The following LRRC43 variants were observed in gnomAD, a reference collection of about 807,000 sequenced individuals.
LRRC43 encodes the protein leucine-rich repeat-containing protein 43.
In LRRC43, 62 loss-of-function variants were observed where a neutral mutation model predicts 64.3. That is an observed-to-expected ratio of 0.96 (90% CI 0.79 to 1.19). The LOEUF (loss-of-function observed/expected upper bound fraction) is 1.19, where lower values mean the gene tolerates loss of function less well. Ranked by LOEUF, LRRC43 falls within the 50% of genes most tolerant of loss-of-function variation. The pLI is 0.00. For synonymous variants in LRRC43, 422 were observed against 382.3 expected (o/e 1.10, Z -1.21); for missense variants, 868 against 845.0 (o/e 1.03, Z -0.34).
Position 122,192,904 on chromosome 12 carries a change from A to T in LRRC43, c.1249A>T (p.Ile417Phe), listed in dbSNP as rs1428881863. The change falls in exon 7 of 12, where the codon ATC (isoleucine) becomes TTC (phenylalanine). Residue 417 changes from isoleucine to phenylalanine, a missense_variant. Ile to Phe is a conservative substitution (Grantham distance 21). Transcript: ENST00000339777. ...GTCAGGAGAGTCGGAGCTGTCTGTC[A>T]TCTCGGGGCCTTCGACCATCTTGCA... ...EESGESELSV[I>F]SGPSTILQMP... The T allele has an allele frequency of 6.2e-7, 1 of 1,614,000 alleles. No homozygotes were observed. The highest frequency in any genetic ancestry group is 8.5e-7 in the Non-Finnish European group (1 of 1,180,032).
chr12:122,169,715 CAAAA>C (rs1156784202), intron 1 of LRRC43, among the ~76,000 whole-genome samples: 86 of 49,454 alleles, frequency 1.7e-3, no homozygotes, highest in African/African-American at 5.3e-3. Flanking sequence ...GACTCCGTCT[CAAAA>C]AAAAAAAAAA....
Position 122,200,172 on chromosome 12 carries a change from A to C in LRRC43, c.1350-17A>C, listed in dbSNP as rs768346420. ...CCTGGGTGACGGCACCCCCGTCTTC[A>C]TCCCTCCCTCCCCAAGGACTGTCCT... On this transcript the variant is annotated splice_polypyrimidine_tract_variant and intron_variant, in intron 7 of 11. Transcript: ENST00000339777. The surrounding 1 kb of genome is among the most constrained non-coding windows in gnomAD (Gnocchi z 4.6). 6.2e-7 allele frequency: 1 copy of C among 1,608,412 alleles called. No homozygotes were observed. Among genetic ancestry groups the C allele is most frequent in the Non-Finnish European group, 8.5e-7 (1 of 1,177,352 alleles).
chr12:122,183,283 G>T lies in LRRC43; in HGVS notation c.139G>T (p.Ala47Ser). ...GTGTCTGCGCGAGTTCCCGTGCGGTGCCGGCAGCTGGGTGCGGGCGCCGGG... is the reference window on the plus strand; with the variant it reads ...GTGTCTGCGCGAGTTCCCGTGCGGTTCCGGCAGCTGGGTGCGGGCGCCGGG... The part of the protein sequence containing the change: ...KLCLREFPCG[A>S]GSWNKSRFLP... The change falls in exon 1 of 12, where the codon GCC becomes TCC. Residue 47 changes from alanine to serine, a missense_variant. Transcript: ENST00000339777. The T allele has an allele frequency of 6.6e-7, 1 of 1,526,028 alleles. No individual in the cohort carries two copies. The highest frequency in any genetic ancestry group is 1.4e-5 in the African/African-American group (1 of 69,644). 94.5% of individuals were successfully genotyped at this position (1,526,028 alleles called of 1,614,324 possible).
At chr12:122,179,912 G>C (rs182875297), upstream of LRRC43, among the ~76,000 whole-genome samples, 7 of 148,886 alleles carry the variant, frequency 4.7e-5, no homozygotes, top group South Asian at 1.3e-3. Context: ...TGGAGGTTGC[G>C]GTGAGCCGAG....
chr12:122,174,867 G>A (rs965901925), intron 1 of LRRC43, among the ~76,000 whole-genome samples: 8 of 149,232 alleles, frequency 5.4e-5, no homozygotes, highest in African/African-American at 2.0e-4. Flanking sequence ...TTGAGATGGA[G>A]TCTTGCTCTG....
chr12:122,192,447 T>G (rs77727591), intron 6 of LRRC43, among the ~76,000 whole-genome samples: 5,226 of 152,294 alleles, frequency 0.034, 265 homozygotes, highest in African/African-American at 0.11. Context: ...CATTCTGCAA[T>G]TTCTACAACT....
chr12:122,190,153 T>G lies in LRRC43; in HGVS notation c.686T>G (p.Leu229Arg), dbSNP rs1207762939. 2.5e-6 allele frequency: 4 copies of G among 1,614,124 alleles called. No individual in the cohort carries two copies. The African/African-American group carries it at 4.0e-5, about 16-fold the overall frequency. Residue 229 changes from leucine to arginine, a missense_variant, in exon 5 of 12, where the codon CTG (leucine) becomes CGG (arginine). Coordinates refer to ENST00000339777, the MANE Select transcript of LRRC43 (RefSeq NM_001098519.2). ...AGGCCCAACCTCGTCTCCCTGGACC[T>G]GGGCTTCAACGACCTGACAGACCTG... ...NHWPNLVSLD[L>R]GFNDLTDLQS... is the part of the protein sequence containing the mutation.
chr12:122,198,540 C>T (rs557228686), intron 7 of LRRC43, among the ~76,000 whole-genome samples: 4 of 151,286 alleles, frequency 2.6e-5, no homozygotes, highest in Admixed American at 2.0e-4. Context: ...AATACATAGC[C>T]TTTTGTGTCT....
chr12:122,171,765 C>A (rs974476531), intron 1 of LRRC43, among the ~76,000 whole-genome samples: 19 of 149,612 alleles, frequency 1.3e-4, no homozygotes, highest in African/African-American at 3.7e-4. Context: ...GATGGGGTCT[C>A]ACTATGTTGC....
chr12:122,203,287 G>A (rs750505004), intron 11 of LRRC43, 28 bp from the exon 12 acceptor site: 19 of 1,604,872 alleles, frequency 1.2e-5, no homozygotes, highest in African/African-American at 4.0e-5. Flanking sequence ...GTCTCCCGGG[G>A]CTCATGCTCG....
In LRRC43 at chr12:122,200,616, A is replaced by G. The variant is rs199718757; in HGVS notation, c.1576A>G (p.Lys526Glu). The G allele has an allele frequency of 1.3e-4, 192 of 1,513,648 alleles. No homozygotes were observed. The highest frequency in any genetic ancestry group is 1.6e-4 in the Non-Finnish European group (173 of 1,092,058). 93.8% of individuals were successfully genotyped at this position (1,513,648 alleles called of 1,614,324 possible). The change falls in exon 9 of 12, where the codon AAG (lysine) becomes GAG (glutamate). Residue 526 changes from lysine (K) to glutamate (E), a missense_variant. By Grantham distance (56) the Lys-to-Glu change is moderately conservative. Coordinates refer to ENST00000339777, the MANE Select transcript of LRRC43 (RefSeq NM_001098519.2). This position sits in a 1 kb window ranked among gnomAD's most constrained non-coding sequence, Gnocchi z 4.6. ...KGKGEKDKKG[K>E]EKDRTGKGEK... ...AAAGGGGGAGAAAGACAAGAAAGGGAAGGAGAAAGACAGGACGGGGAAAGG... is the reference window on the plus strand; with the variant it reads ...AAAGGGGGAGAAAGACAAGAAAGGGGAGGAGAAAGACAGGACGGGGAAAGG...
intron 1 of LRRC43, among the ~76,000 whole-genome samples, chr12:122,174,610 G>A (rs1275037122): frequency 6.6e-6 from 1 of 152,154 alleles, no homozygotes; most frequent in Non-Finnish European, 1.5e-5. Context: ...ATGCGAAGCC[G>A]GCATGAGATG....
chr12:122,187,704 C>T lies in LRRC43; in HGVS notation c.526C>T (p.Leu176=). 2 of 1,613,446 alleles carry T rather than the reference C, an allele frequency of 1.2e-6. No individual in the cohort carries two copies. The highest frequency in any genetic ancestry group is 1.7e-6 in the Non-Finnish European group (2 of 1,180,008). The stretch of plus-strand genomic sequence containing the variant: ...GGCCTTCCGTGTGGTCTCCCAGGTG[C>T]TGGAGCTCTACGGCAATGAGATCAG... ...ATNLPPTLKV[L]ELYGNEISSM... is the part of the protein sequence containing the mutation. Residue 176 remains leucine, a synonymous_variant, in exon 4 of 12, where the codon CTG becomes TTG. Coordinates refer to ENST00000339777, the MANE Select transcript of LRRC43 (RefSeq NM_001098519.2).
At chr12:122,172,078 C>T (rs1484050543) in intron 1 of LRRC43, 2 of 193,186 alleles carry the variant, frequency 1.0e-5, no homozygotes, top group Non-Finnish European at 2.1e-5. Flanking sequence ...GAGGGCTCCC[C>T]CAGGGAGCAT....
In LRRC43 at chr12:122,191,334, A is replaced by G. The variant is rs762055120; in HGVS notation, c.902-46A>G. On this transcript the variant is annotated intron_variant, in intron 5 of 11. Transcript: ENST00000339777. Reference sequence around the variant, plus strand: ...CAGCCCTCTTGCTTTCTATCTGCCAACTTCCATTCCATGGGCCCCCCTGTC... The same window carrying G: ...CAGCCCTCTTGCTTTCTATCTGCCAGCTTCCATTCCATGGGCCCCCCTGTC... 11 of 1,537,544 alleles carry G rather than the reference A, an allele frequency of 7.2e-6. No homozygotes were observed. In the East Asian group the frequency reaches 1.8e-4, roughly 26 times the overall value.
At chr12:122,189,634 G>A (rs765754099) in intron 4 of LRRC43, 1 of 375,060 alleles carries the variant, frequency 2.7e-6, no homozygotes, top group Non-Finnish European at 5.3e-6. Flanking sequence ...GTCTGGCTTT[G>A]AGAAGCCATC....
At chr12:122,191,753 C>T (rs1291574941) in intron 6 of LRRC43, among the ~76,000 whole-genome samples, 186 bp downstream of exon 6, 1 of 151,642 alleles carries the variant, frequency 6.6e-6, no homozygotes, top group African/African-American at 2.4e-5. Flanking sequence ...CTCCTGGGTT[C>T]AAGCAATTCT....
chr12:122,186,104 G>A (rs1953640194), intron 2 of LRRC43, 86 bp from the exon 3 acceptor site: 2 of 740,994 alleles, frequency 2.7e-6, no homozygotes, highest in East Asian at 5.4e-5. Flanking sequence ...TGATGGAGGA[G>A]CCGCTGTCTT....
chr12:122,185,692 G>T (rs368456142), intron 2 of LRRC43, among the ~76,000 whole-genome samples: 8 of 152,332 alleles, frequency 5.3e-5, no homozygotes, highest in East Asian at 3.9e-4. Context: ...AGTGCAGAAG[G>T]TTTCGTGTCC....
Sources: gnomAD v4.1 joint callset for allele counts (sites outside exome capture counted in the v4.1 genomes callset) on GRCh38, gnomAD v4.1.1 for gene constraint, Gnocchi (gnomAD v3.1) non-coding constraint, MANE v1.5 for transcripts, NCBI Gene and HGNC (gene_info 2026-07-23, HGNC 2026-07-21) for gene names.